ARL15: variants seen among roughly 807,000 people sequenced by gnomAD.
The protein encoded by ARL15 is ARF like GTPase 15, also known as ADP-ribosylation factor-like protein 15.
ARL15 carries 19 observed loss-of-function variants against 25.2 expected under a neutral mutation model. The observed-to-expected ratio is 0.75, with a 90% CI of 0.53 to 1.10. The LOEUF is 1.10. ARL15 is among the 50% of genes least tolerant of loss of function. ARL15 has a pLI of 0.00. For synonymous variants in ARL15, 94 were observed against 86.8 expected, an observed-to-expected ratio of 1.08 and a Z score of -0.46; for missense variants, 220 against 246.0, an observed-to-expected ratio of 0.89 and a Z score of 0.71.
chr5:54,018,831 A>C (rs1749502832), intron 4 of ARL15, among the ~76,000 whole-genome samples: 1 of 152,214 alleles, frequency 6.6e-6, no homozygotes, highest in South Asian at 2.1e-4. Flanking sequence ...AGTAACAAAC[A>C]TGTAAGAAAG....
At chr5:53,941,150 C>T (rs1746527738) in intron 4 of ARL15, among the ~76,000 whole-genome samples, 1 of 152,088 alleles carries the variant, frequency 6.6e-6, no homozygotes, top group South Asian at 2.1e-4. Context: ...TCTTCTTCTA[C>T]TTTTCTCCTT....
At chr5:53,943,711 T>C (rs1034368175) in intron 4 of ARL15, among the ~76,000 whole-genome samples, 3 of 152,054 alleles carry the variant, frequency 2.0e-5, no homozygotes, top group Non-Finnish European at 4.4e-5. Flanking sequence ...GAAAGAAAGA[T>C]TGTTGGAAGG....
At chr5:54,272,686 T>C (rs1757819910) in intron 1 of ARL15, among the ~76,000 whole-genome samples, 1 of 152,228 alleles carries the variant, frequency 6.6e-6, no homozygotes, top group Non-Finnish European at 1.5e-5. Context: ...AGGATGATCC[T>C]CATGTAGCTA....
At chr5:54,156,712 C>T (rs1475038429) in intron 2 of ARL15, among the ~76,000 whole-genome samples, 2 of 152,216 alleles carry the variant, frequency 1.3e-5, no homozygotes, top group South Asian at 2.1e-4. Context: ...TCTTCTAAAA[C>T]ATACCCCTTC....
At chr5:54,120,710 C>T (rs996739440) in intron 3 of ARL15, among the ~76,000 whole-genome samples, 1 of 152,100 alleles carries the variant, frequency 6.6e-6, no homozygotes, top group African/African-American at 2.4e-5. Context: ...AAACAAAACA[C>T]TTTTGTGGTA....
At position 54,181,893 on chromosome 5, in the gene ARL15, T is replaced by C. The variant is rs922391812; in HGVS notation, c.49-9965A>G. On this transcript the variant is annotated intron_variant, in intron 1 of 4. Coordinates refer to ENST00000504924, the MANE Select transcript of ARL15 (RefSeq NM_019087.3). ...GTGGTTTTGATTTGCATTTCTCTGA[T>C]GGCCAGTGATGATGAGCATTTTTTC... Among the ~76,000 whole-genome samples, 246 of 148,044 alleles carry C rather than the reference T, an allele frequency of 1.7e-3. 2 individuals carry two copies. Among genetic ancestry groups the C allele is most frequent in the Non-Finnish European group, 2.6e-3 (174 of 67,304 alleles).
At chr5:54,062,529 A>AC (rs1751101710) in intron 4 of ARL15, among the ~76,000 whole-genome samples, 2 of 149,042 alleles carry the variant, frequency 1.3e-5, no homozygotes, top group African/African-American at 5.2e-5. Context: ...AAAAAAAAAA[A>AC]AAAACAACAG....
chr5:54,210,972 A>G (rs1198421116), intron 1 of ARL15, among the ~76,000 whole-genome samples: 1 of 152,226 alleles, frequency 6.6e-6, no homozygotes, highest in African/African-American at 2.4e-5. Context: ...ACTGTCAGCA[A>G]ACAAAATGAA....
At chr5:53,951,389 C>A (rs1029847349) in intron 4 of ARL15, 2 of 418,834 alleles carry the variant, frequency 4.8e-6, no homozygotes, top group Non-Finnish European at 9.8e-6. Flanking sequence ...AAATCATATA[C>A]TTTGGATGTT....
At chr5:54,210,390 C>T (rs1364988946) in intron 1 of ARL15, among the ~76,000 whole-genome samples, 1 of 152,162 alleles carries the variant, frequency 6.6e-6, no homozygotes, top group Non-Finnish European at 1.5e-5. Context: ...AGCCAATTTG[C>T]TCCGAATATT....
chr5:54,296,694 G>C (rs1579990710), intron 1 of ARL15, among the ~76,000 whole-genome samples: 1 of 152,236 alleles, frequency 6.6e-6, no homozygotes, highest in Non-Finnish European at 1.5e-5. Flanking sequence ...TGGGGATCTG[G>C]GCAAGCCAAG....
At chr5:53,922,188 C>T (rs1374691641) in intron 4 of ARL15, among the ~76,000 whole-genome samples, 1 of 152,116 alleles carries the variant, frequency 6.6e-6, no homozygotes, top group Non-Finnish European at 1.5e-5. Context: ...TCTGGTATGG[C>T]CATCTCAGCT....
chr5:54,192,234 G>C (rs1393703594), intron 1 of ARL15, among the ~76,000 whole-genome samples: 4 of 150,186 alleles, frequency 2.7e-5, no homozygotes, highest in African/African-American at 9.8e-5. Context: ...CTTAAAAACT[G>C]CACATGTACC....
chr5:54,013,854 CA>C (rs1204972821), intron 4 of ARL15, among the ~76,000 whole-genome samples: 1 of 151,650 alleles, frequency 6.6e-6, no homozygotes, highest in Non-Finnish European at 1.5e-5. Flanking sequence ...CCCCACCCAA[CA>C]AACTACCCTT....
intron 1 of ARL15, among the ~76,000 whole-genome samples, chr5:54,177,127 C>T (rs182991206): frequency 6.6e-6 from 1 of 152,330 alleles, no homozygotes; most frequent in East Asian, 1.9e-4. Context: ...GGCCTTTTCA[C>T]ACGGGACAAG....
chr5:54,171,960 T>C (rs1295326994), intron 1 of ARL15, 32 bp from the exon 2 acceptor site: 4 of 1,600,800 alleles, frequency 2.5e-6, no homozygotes, highest in South Asian at 2.2e-5. Flanking sequence ...AATGTTCCTT[T>C]AAATGACAGT....
At chr5:53,945,228 T>C (rs1746682895) in intron 4 of ARL15, among the ~76,000 whole-genome samples, 1 of 152,212 alleles carries the variant, frequency 6.6e-6, no homozygotes, top group African/African-American at 2.4e-5. Flanking sequence ...TAACAGACAA[T>C]CGCTATTTCC....
chr5:53,972,444 A>G (rs528148119), intron 4 of ARL15, among the ~76,000 whole-genome samples: 1 of 152,320 alleles, frequency 6.6e-6, no homozygotes, highest in South Asian at 2.1e-4. Flanking sequence ...AAATTCAAGT[A>G]GTGCTATTTG....
rs1294651960 is a variant in ARL15 at position 53,884,850 on chromosome 5, T to G, written c.*1711A>C. 3.3e-5 allele frequency: 5 copies of G among 152,584 alleles called. No individual in the cohort carries two copies. Among genetic ancestry groups the G allele is most frequent in the South Asian group, 2.1e-4 (1 of 4,834 alleles). 9.5% of individuals were successfully genotyped at this position (152,584 alleles called of 1,614,324 possible). ...GGACAAAATAAAAACAGGAATTGTG[T>G]AACTGGTCATCGGAATAAAAGTTTT... On this transcript the variant is annotated 3_prime_UTR_variant, in exon 5 of 5. Transcript: ENST00000504924.
Sources: gnomAD v4.1 joint callset for allele counts (sites outside exome capture counted in the v4.1 genomes callset) on GRCh38, gnomAD v4.1.1 for gene constraint, MANE v1.5 for transcripts, NCBI Gene and HGNC (gene_info 2026-07-23, HGNC 2026-07-21) for gene names.